WDR70: variants seen among roughly 807,000 people sequenced by gnomAD.
WDR70 encodes WD repeat domain 70, also known as WD repeat-containing protein 70.
A neutral mutation model predicts 88.6 loss-of-function variants in WDR70; 53 were observed. The observed-to-expected ratio is 0.60, with a 90% CI of 0.48 to 0.75. The LOEUF is 0.75. Among genes scored for constraint, WDR70 ranks in the 30% least tolerant of loss-of-function variants. WDR70 has a pLI of 0.00. For synonymous variants in WDR70, 280 were observed against 270.0 expected, an observed-to-expected ratio of 1.04 and a Z score of -0.36; for missense variants, 610 against 823.2, an observed-to-expected ratio of 0.74 and a Z score of 3.17.
intron 5 of WDR70, among the ~76,000 whole-genome samples, chr5:37,433,993 G>A (rs1195986016): frequency 6.6e-6 from 1 of 152,186 alleles, no homozygotes; most frequent in Admixed American, 6.5e-5. Context: ...GAAGGTATTA[G>A]TTCATTCTCA....
At chr5:37,647,446 G>C (rs914573578) in intron 10 of WDR70, among the ~76,000 whole-genome samples, 1 of 152,064 alleles carries the variant, frequency 6.6e-6, no homozygotes, top group Non-Finnish European at 1.5e-5. Flanking sequence ...TTGGTGACTG[G>C]GAATTGAAGA....
At chr5:37,680,884 C>G (rs1244649040) in intron 10 of WDR70, among the ~76,000 whole-genome samples, 1 of 152,054 alleles carries the variant, frequency 6.6e-6, no homozygotes, top group Non-Finnish European at 1.5e-5. Context: ...TATTCATGCT[C>G]TTTTTTGGTT....
chr5:37,476,107 TC>T (rs1402584143), intron 7 of WDR70, among the ~76,000 whole-genome samples: 1 of 152,086 alleles, frequency 6.6e-6, no homozygotes, highest in Non-Finnish European at 1.5e-5. Flanking sequence ...CACCTCAGCC[TC>T]CCAAAGTGCT....
At chr5:37,535,523 G>T (rs749419294) in intron 9 of WDR70, among the ~76,000 whole-genome samples, 7 of 152,162 alleles carry the variant, frequency 4.6e-5, no homozygotes, top group Admixed American at 1.3e-4. Flanking sequence ...TACTAAATCT[G>T]TACTGTATTT....
At chr5:37,613,148 A>G (rs1464465028) in intron 10 of WDR70, among the ~76,000 whole-genome samples, 1 of 152,184 alleles carries the variant, frequency 6.6e-6, no homozygotes, top group East Asian at 1.9e-4. Context: ...GGCTTTTGAG[A>G]AAGTTAGGGT....
intron 7 of WDR70, among the ~76,000 whole-genome samples, chr5:37,475,239 T>C (rs538155244): frequency 1.3e-5 from 2 of 150,818 alleles, no homozygotes; most frequent in African/African-American, 4.9e-5. Context: ...GATTTTTTGT[T>C]TTGTTTTGTT....
intron 8 of WDR70, chr5:37,505,794 A>G: frequency 7.2e-7 from 1 of 1,397,414 alleles, no homozygotes; most frequent in Non-Finnish European, 1.0e-6. Context: ...ACACCCAGAC[A>G]GATCACAGTT....
intron 7 of WDR70, among the ~76,000 whole-genome samples, chr5:37,475,129 A>G (rs936750254): frequency 2.0e-5 from 3 of 151,698 alleles, no homozygotes; most frequent in Non-Finnish European, 4.4e-5. Flanking sequence ...TATATTGGCC[A>G]GGCTGGTCTT....
At chr5:37,485,214 A>G (rs55862288) in intron 8 of WDR70, among the ~76,000 whole-genome samples, 3 of 152,140 alleles carry the variant, frequency 2.0e-5, no homozygotes, top group Non-Finnish European at 2.9e-5. Flanking sequence ...CTGAATTGAA[A>G]TCTTCTATGA....
In WDR70 at chr5:37,679,193, C is replaced by T. The variant is rs568029031; in HGVS notation, c.1093-18462C>T. On this transcript the variant is annotated intron_variant, in intron 10 of 17. Transcript: ENST00000265107. ...TTGGTTTGAATTTCCTCCTGTAGCTCGTAGTAGTTTGATCGTCTGAAGCCT... is the reference window on the plus strand; with the variant it reads ...TTGGTTTGAATTTCCTCCTGTAGCTTGTAGTAGTTTGATCGTCTGAAGCCT... Among the ~76,000 whole-genome samples the T allele has an allele frequency of 1.5e-4, 23 of 152,266 alleles. No individual in the cohort carries two copies. The South Asian group carries it at 4.3e-3, about 29-fold the overall frequency.
chr5:37,650,633 C>T (rs1745375498), intron 10 of WDR70, among the ~76,000 whole-genome samples: 1 of 152,052 alleles, frequency 6.6e-6, no homozygotes, highest in Admixed American at 6.5e-5. Context: ...TATTCAGTAT[C>T]ATTAACATAA....
At position 37,699,058 on chromosome 5, in the gene WDR70, G is replaced by A. The variant is rs990551600; in HGVS notation, c.1192+1304G>A. Among the ~76,000 whole-genome samples the A allele has an allele frequency of 9.9e-5, 15 of 152,152 alleles. No homozygotes were observed. In the East Asian group the frequency reaches 2.9e-3, roughly 29 times the overall value. On this transcript the variant is annotated intron_variant, in intron 11 of 17. Coordinates refer to ENST00000265107, the MANE Select transcript of WDR70 (RefSeq NM_018034.4). The stretch of plus-strand genomic sequence containing the variant: ...TAGTGTATCTGAATCCCCTGGGAAA[G>A]TTTTCAAATGATAATTGCTCCACTT...
intron 10 of WDR70, among the ~76,000 whole-genome samples, chr5:37,677,832 T>C (rs1157198535): frequency 2.6e-5 from 4 of 152,180 alleles, no homozygotes; most frequent in African/African-American, 9.7e-5. Flanking sequence ...GACAGTGGGG[T>C]GTTAAAGTCT....
In WDR70 at chr5:37,605,055, C is replaced by A; in HGVS notation, c.918-9C>A. ...TTAAATAAATGAAAAATCTCCTGAT[C>A]ATTTTTAGGACTGTGAGGACGTGGG... On this transcript the variant is annotated splice_polypyrimidine_tract_variant and intron_variant, in intron 9 of 17. Coordinates refer to ENST00000265107, the MANE Select transcript of WDR70 (RefSeq NM_018034.4). The A allele has an allele frequency of 1.9e-6, 3 of 1,560,230 alleles. No homozygotes were observed. The South Asian group carries it at 3.7e-5, about 19-fold the overall frequency.
chr5:37,388,617 A>G (rs1748706128), intron 3 of WDR70, among the ~76,000 whole-genome samples: 1 of 150,296 alleles, frequency 6.7e-6, no homozygotes, highest in South Asian at 2.1e-4. Flanking sequence ...ACTGGCGTCT[A>G]TAATCCCAGC....
At chr5:37,647,713 T>G (rs1238025886) in intron 10 of WDR70, among the ~76,000 whole-genome samples, 1 of 152,240 alleles carries the variant, frequency 6.6e-6, no homozygotes, top group Non-Finnish European at 1.5e-5. Context: ...TCTCTTTCCT[T>G]ACTCCCAAAC....
At chr5:37,699,402 T>TACACACACACACAC (rs70978839) in intron 11 of WDR70, among the ~76,000 whole-genome samples, 1 of 70,772 alleles carries the variant, frequency 1.4e-5, no homozygotes, top group Non-Finnish European at 2.9e-5. Flanking sequence ...TATATATATA[T>TACACACACACACAC]ACACACACAC....
intron 7 of WDR70, among the ~76,000 whole-genome samples, chr5:37,445,465 AC>A (rs1249633682): frequency 6.6e-6 from 1 of 151,540 alleles, no homozygotes; most frequent in Non-Finnish European, 1.5e-5. Context: ...TTAAAGAAAA[AC>A]TTTTCCATTG....
intron 9 of WDR70, among the ~76,000 whole-genome samples, chr5:37,520,796 T>A (rs1741062005): frequency 6.6e-6 from 1 of 152,208 alleles, no homozygotes; most frequent in African/African-American, 2.4e-5. Context: ...AAAAATTAGT[T>A]ACTAAAATTT....
Sources: gnomAD v4.1 joint callset for allele counts (sites outside exome capture counted in the v4.1 genomes callset) on GRCh38, gnomAD v4.1.1 for gene constraint, MANE v1.5 for transcripts, NCBI Gene and HGNC (gene_info 2026-07-23, HGNC 2026-07-21) for gene names.